The following SH3TC2 variants were observed in gnomAD, a reference collection of about 807,000 sequenced individuals.
SH3TC2 encodes the protein SH3 domain and tetratricopeptide repeat-containing protein 2.
A neutral mutation model predicts 124.5 loss-of-function variants in SH3TC2; 87 were observed. The ratio of observed to expected loss-of-function variants is 0.70; its 90% confidence interval spans 0.59 to 0.84. The LOEUF (loss-of-function observed/expected upper bound fraction) is 0.84, where lower values mean the gene tolerates loss of function less well. Ranked by LOEUF, SH3TC2 falls within the 40% of genes least tolerant of loss-of-function variation. The pLI, the probability that SH3TC2 is intolerant of heterozygous loss-of-function variation, is 0.00. For synonymous variants in SH3TC2, 634 were observed against 628.5 expected (o/e 1.01, Z -0.13); for missense variants, 1,536 against 1,566.4 (o/e 0.98, Z 0.33).
chr5:149,015,742 T>A (rs189575357), intron 12 of SH3TC2, among the ~76,000 whole-genome samples: 2 of 152,230 alleles, frequency 1.3e-5, no homozygotes, highest in Non-Finnish European at 2.9e-5. Flanking sequence ...GCTTCCCAGG[T>A]CCCTGCCCTG....
intron 14 of SH3TC2, among the ~76,000 whole-genome samples, chr5:149,009,347 G>GCACA (rs1198340921): frequency 6.6e-6 from 1 of 152,036 alleles, no homozygotes; most frequent in Non-Finnish European, 1.5e-5. Flanking sequence ...TATCTATGAA[G>GCACA]CACACATGAG....
rs2127389875 is a variant in SH3TC2, at chr5:148,998,777, G to A, written c.*5934C>T. On this transcript the variant is annotated 3_prime_UTR_variant, in exon 17 of 17. Coordinates refer to ENST00000515425, the MANE Select transcript of SH3TC2 (RefSeq NM_024577.4). The stretch of plus-strand genomic sequence containing the variant: ...CCCCTTAGAGGAGGGTGAACGAAGT[G>A]CACATTCCCAGAGCCAGCACTTCCA... 6.6e-6 allele frequency among the ~76,000 whole-genome samples: 1 copy of A among 152,250 alleles called. No homozygotes were observed. Among genetic ancestry groups the A allele is most frequent in the African/African-American group, 2.4e-5 (1 of 41,538 alleles).
At chr5:149,021,862 A>T (rs1753975745) in intron 12 of SH3TC2, among the ~76,000 whole-genome samples, 3 of 146,658 alleles carry the variant, frequency 2.0e-5, no homozygotes, top group Non-Finnish European at 3.0e-5. Flanking sequence ...GAGAATTAAC[A>T]CCAATCCTTC....
chr5:149,026,666 A>G lies in SH3TC2; in HGVS notation c.2959T>C (p.Trp987Arg). ...PEACITYHEHWLALAQQLRDR... is the reference protein window; with the variant it reads ...PEACITYHEHRLALAQQLRDR... ...CTGAGTTGCTGAGCCAGGGCCAGCCAGTGCTCATGGTAGGTGATGCATGCC... is the reference window on the plus strand; with the variant it reads ...CTGAGTTGCTGAGCCAGGGCCAGCCGGTGCTCATGGTAGGTGATGCATGCC... The change falls in exon 12 of 17, where the codon TGG becomes CGG. Residue 987 changes from tryptophan (W) to arginine (R), a missense_variant. Around this residue, in one of 3 missense-constraint regions of SH3TC2, gnomAD observed 426 missense variants for 443.5 expected, o/e 0.96. Coordinates refer to ENST00000515425, the MANE Select transcript of SH3TC2 (RefSeq NM_024577.4). 1 of 1,614,178 alleles carries G rather than the reference A, an allele frequency of 6.2e-7. No individual in the cohort carries two copies. The highest frequency in any genetic ancestry group is 8.5e-7 in the Non-Finnish European group (1 of 1,180,026).
At position 148,983,648 on chromosome 5, in the gene SH3TC2, C is replaced by A. The variant is rs781118041; in HGVS notation, c.*21063G>T. 1.3e-5 allele frequency among the ~76,000 whole-genome samples: 2 copies of A among 152,162 alleles called. No homozygotes were observed. The highest frequency in any genetic ancestry group is 4.1e-4 in the South Asian group (2 of 4,820). On this transcript the variant is annotated 3_prime_UTR_variant, in exon 17 of 17. Transcript: ENST00000515425. Reference sequence around the variant, plus strand: ...TTTTGGGGTTTCCTTCCCCCTACCCCGCACCCCATTAGCCCCTGTCTGTGT... The same window carrying A: ...TTTTGGGGTTTCCTTCCCCCTACCCAGCACCCCATTAGCCCCTGTCTGTGT...
At position 149,027,485 on chromosome 5, in the gene SH3TC2, T is replaced by C. The variant is rs375251955; in HGVS notation, c.2247A>G (p.Glu749=). ...MLRQALAACE[E]LADRSTQRAL... ...CCCTCTGGGTGCTCCGGTCTGCTAG[T>C]TCCTCACAGGCAGCCAGGGCCTGTC... is the stretch of plus-strand genomic sequence containing the variant. The change falls in exon 11 of 17, where the codon GAA becomes GAG. Residue 749 remains glutamate (E), a synonymous_variant. Transcript: ENST00000515425. 6.2e-7 allele frequency: 1 copy of C among 1,614,044 alleles called. No homozygotes were observed. Among genetic ancestry groups the C allele is most frequent in the Non-Finnish European group, 8.5e-7 (1 of 1,180,036 alleles).
Position 149,018,241 on chromosome 5 carries a change from T to C in SH3TC2, c.3054-5507A>G, listed in dbSNP as rs112274342. ...GCTATTATGGCCATAATTTTCACTA[T>C]GGATGTTCACTGTACAGGTCTGGAT... On this transcript the variant is annotated intron_variant, in intron 12 of 16. Transcript: ENST00000515425. 1.0e-3 allele frequency among the ~76,000 whole-genome samples: 159 copies of C among 152,226 alleles called. 1 individual carries two copies. Among genetic ancestry groups the C allele is most frequent in the African/African-American group, 3.7e-3 (154 of 41,538 alleles).
rs115882985 is a variant in SH3TC2 at position 149,022,234 on chromosome 5, G to A, written c.3053+4338C>T. On this transcript the variant is annotated intron_variant, in intron 12 of 16. Coordinates refer to ENST00000515425, the MANE Select transcript of SH3TC2 (RefSeq NM_024577.4). ...ACAACCCAATTTAAAAAATGGACAC[G>A]TGAATAGACATTTCTCCAAAGATAC... is the stretch of plus-strand genomic sequence containing the variant. 6.2e-3 allele frequency among the ~76,000 whole-genome samples: 936 copies of A among 152,178 alleles called. 6 individuals are homozygous for A. The highest frequency in any genetic ancestry group is 0.021 in the African/African-American group (886 of 41,540).
intron 12 of SH3TC2, among the ~76,000 whole-genome samples, chr5:149,021,349 T>C (rs567675484): frequency 5.3e-5 from 8 of 152,016 alleles, no homozygotes; most frequent in Admixed American, 1.3e-4. Flanking sequence ...CTCAAATCAA[T>C]ACCTAATATT....
In SH3TC2 at chr5:149,027,787, G is replaced by C; in HGVS notation, c.1945C>G (p.His649Asp). The C allele has an allele frequency of 6.2e-7, 1 of 1,613,940 alleles. No homozygotes were observed. Among genetic ancestry groups the C allele is most frequent in the East Asian group, 2.2e-5 (1 of 44,882 alleles). The change falls in exon 11 of 17, where the codon CAC becomes GAC. Residue 649 changes from histidine to aspartate, a missense_variant. Around this residue, in one of 3 missense-constraint regions of SH3TC2, gnomAD observed 1,102 missense variants for 1,098.6 expected, o/e 1.00. Coordinates refer to ENST00000515425, the MANE Select transcript of SH3TC2 (RefSeq NM_024577.4). ...TCGGCAAAGGGCAGGACCTCCTCGT[G>C]CCGGCCTAGGCTCAGGAGCAAGCGG... ...AIRLLLSLGR[H>D]EEVLPFAERL...
chr5:149,049,764 C>T (rs552601098), intron 2 of SH3TC2, among the ~76,000 whole-genome samples: 20 of 150,848 alleles, frequency 1.3e-4, no homozygotes, highest in Admixed American at 3.3e-4. Flanking sequence ...GCCTGGGCAA[C>T]GGAGCAAGAC....
At position 149,026,864 on chromosome 5, in the gene SH3TC2, T is replaced by C. The variant is rs115507662; in HGVS notation, c.2868A>G (p.Leu956=). ...AGCAGCATGGGACATACTTACTCTT[T>C]AGATGTCGATGCCTTAAGCCAAACA... The part of the protein sequence containing the change: ...ALLFGLRHRH[L]KSQLQATKSL... Residue 956 remains leucine, a synonymous_variant, in exon 11 of 17, where the codon CTA becomes CTG. Coordinates refer to ENST00000515425, the MANE Select transcript of SH3TC2 (RefSeq NM_024577.4). 1,484 of 1,614,200 alleles carry C rather than the reference T, an allele frequency of 9.2e-4. 15 individuals are homozygous for C. The African/African-American group carries it at 0.018, about 19-fold the overall frequency.
At chr5:149,035,693 G>A (rs767389347) in intron 8 of SH3TC2, 1 of 152,084 alleles carries the variant, frequency 6.6e-6, no homozygotes, top group Non-Finnish European at 1.5e-5. Flanking sequence ...GGTACCAATT[G>A]TGCAATCTCT....
chr5:149,027,448 T>C lies in SH3TC2; in HGVS notation c.2284A>G (p.Ile762Val), dbSNP rs1288808180. ...TGCTCGAGGTACACTTTGGAAAGGA[T>C]GAGACACAGGGCCCTCTGGGTGCTC... ...DRSTQRALCL[I>V]LSKVYLEHRS... Residue 762 changes from isoleucine (I) to valine (V), a missense_variant, in exon 11 of 17, where the codon ATC becomes GTC. Physicochemically the swap from Ile to Val is conservative, Grantham distance 29. This residue lies in a region of SH3TC2 where 1,102 missense variants were observed against 1,098.6 expected (regional missense o/e 1.00). Coordinates refer to ENST00000515425, the MANE Select transcript of SH3TC2 (RefSeq NM_024577.4). 1 of 1,614,134 alleles carries C rather than the reference T, an allele frequency of 6.2e-7. No homozygotes were observed. The highest frequency in any genetic ancestry group is 2.2e-5 in the East Asian group (1 of 44,876).
chr5:149,033,481 A>G (rs1192132113), intron 8 of SH3TC2, among the ~76,000 whole-genome samples: 1 of 152,206 alleles, frequency 6.6e-6, no homozygotes, highest in African/African-American at 2.4e-5. Flanking sequence ...AACCAAACCC[A>G]GATTGGCAGG....
chr5:148,995,072 C>A lies in SH3TC2; in HGVS notation c.*9639G>T, dbSNP rs1753487047. On this transcript the variant is annotated 3_prime_UTR_variant, in exon 17 of 17. Transcript: ENST00000515425. ...AAGGGATTTCCTGTGGTATTTGGTG[C>A]AATAAGGCTTATATAAGCCAAGGTC... 6.6e-6 allele frequency among the ~76,000 whole-genome samples: 1 copy of A among 152,136 alleles called. No homozygotes were observed. The highest frequency in any genetic ancestry group is 2.1e-4 in the South Asian group (1 of 4,832).
intron 2 of SH3TC2, among the ~76,000 whole-genome samples, chr5:149,049,961 C>A (rs1000450989): frequency 6.6e-6 from 1 of 152,166 alleles, no homozygotes; most frequent in East Asian, 1.9e-4. Context: ...TGACTATTAA[C>A]CTTGGCAATA....
intron 2 of SH3TC2, among the ~76,000 whole-genome samples, chr5:149,051,713 C>T (rs1020301604): frequency 6.6e-6 from 1 of 152,156 alleles, no homozygotes; most frequent in African/African-American, 2.4e-5. Context: ...CTCAGCTTCC[C>T]AAAGTGCTGG....
At position 148,996,732 on chromosome 5, in the gene SH3TC2, G is replaced by C. The variant is rs1448808717; in HGVS notation, c.*7979C>G. ...AACATCAGAAGTTCTCTATGTGCAA[G>C]AAAGTTCAATAACCAAAAAAGTCAC... On this transcript the variant is annotated 3_prime_UTR_variant, in exon 17 of 17. Coordinates refer to ENST00000515425, the MANE Select transcript of SH3TC2 (RefSeq NM_024577.4). 3.9e-5 allele frequency among the ~76,000 whole-genome samples: 6 copies of C among 152,260 alleles called. No individual in the cohort carries two copies. The East Asian group carries it at 1.2e-3, about 29-fold the overall frequency.
Sources: gnomAD v4.1 joint callset for allele counts (sites outside exome capture counted in the v4.1 genomes callset) on GRCh38, gnomAD v4.1.1 for gene constraint, gnomAD v4.1.1 regional missense constraint, MANE v1.5 for transcripts, NCBI Gene and HGNC (gene_info 2026-07-23, HGNC 2026-07-21) for gene names.